Variants in SRP54 observed in about 807,000 individuals in gnomAD.
SRP54 encodes the protein signal recognition particle 54.
SRP54 carries 10 observed loss-of-function variants against 64.8 expected under a neutral mutation model. That is an observed-to-expected ratio of 0.15 (90% CI 0.10 to 0.26). The LOEUF (loss-of-function observed/expected upper bound fraction) is 0.26, where lower values mean the gene tolerates loss of function less well. SRP54 is among the 10% of genes least tolerant of loss of function. The probability of loss-of-function intolerance (pLI) is 1.00; values close to 1 mark genes in which losing one functional copy is unlikely to be tolerated. For synonymous variants in SRP54, 193 were observed against 185.6 expected (o/e 1.04, Z -0.32); for missense variants, 325 against 613.7 (o/e 0.53, Z 4.97).
intron 2 of SRP54, 111 bp downstream of exon 2, chr14:34,996,898 C>G: frequency 2.6e-6 from 2 of 762,356 alleles, no homozygotes; most frequent in South Asian, 3.7e-5. Flanking sequence ...AGACTTAATA[C>G]TTGTAGATAA....
At chr14:35,024,588 C>T (rs930391999) in intron 14 of SRP54, among the ~76,000 whole-genome samples, 5 of 151,206 alleles carry the variant, frequency 3.3e-5, no homozygotes, top group African/African-American at 9.7e-5. Flanking sequence ...AGTAGTTGCC[C>T]TTTTTAATGT....
rs2044664737 is a variant in SRP54, at chr14:35,028,137, C to T, written c.1377C>T (p.Asn459=). The change falls in exon 15 of 16, where the codon AAC becomes AAT. Residue 459 remains asparagine, a synonymous_variant. Coordinates refer to ENST00000216774, the MANE Select transcript of SRP54 (RefSeq NM_003136.4). ...NVSQSQMAKL[N]QQMAKMMDPR... is the part of the protein sequence containing the mutation. Reference sequence around the variant, plus strand: ...GCCAGTCACAGATGGCAAAATTGAACCAACAAATGGCCAAAATGATGGATC... The same window carrying T: ...GCCAGTCACAGATGGCAAAATTGAATCAACAAATGGCCAAAATGATGGATC... 1 of 1,613,134 alleles carries T rather than the reference C, an allele frequency of 6.2e-7. No homozygotes were observed. The highest frequency in any genetic ancestry group is 8.5e-7 in the Non-Finnish European group (1 of 1,179,620).
chr14:34,996,808 A>AATATACAATC, intron 2 of SRP54, 21 bp downstream of exon 2: 4 of 1,506,204 alleles, frequency 2.7e-6, no homozygotes, highest in Non-Finnish European at 2.8e-6. Flanking sequence ...TATTGTATGA[A>AATATACAATC]ATATATATGA....
At chr14:34,988,429 G>A (rs1201029274) in intron 1 of SRP54, among the ~76,000 whole-genome samples, 1 of 150,206 alleles carries the variant, frequency 6.7e-6, no homozygotes, top group Non-Finnish European at 1.5e-5. Context: ...GGGTGTGGTG[G>A]CATGCGCCTG....
At chr14:34,988,582 T>TATATATAAC (rs1555352773) in intron 1 of SRP54, among the ~76,000 whole-genome samples, 24 of 35,076 alleles carry the variant, frequency 6.8e-4, no homozygotes, top group African/African-American at 1.7e-3. Flanking sequence ...AAAAAAAATA[T>TATATATAAC]ATATATATAT....
At chr14:35,020,197 T>G (rs1410772156) in intron 13 of SRP54, among the ~76,000 whole-genome samples, 5 of 149,890 alleles carry the variant, frequency 3.3e-5, no homozygotes, top group Admixed American at 2.0e-4. Flanking sequence ...AAGAAAAAAA[T>G]AAAAAAATAT....
At chr14:35,017,868 C>T (rs1198620676) in intron 11 of SRP54, among the ~76,000 whole-genome samples, 1 of 152,094 alleles carries the variant, frequency 6.6e-6, no homozygotes, top group Non-Finnish European at 1.5e-5. Flanking sequence ...ACACTGTAAT[C>T]CTAGTGCTTT....
At chr14:35,025,668 T>G (rs770105214) in intron 14 of SRP54, among the ~76,000 whole-genome samples, 14 of 152,222 alleles carry the variant, frequency 9.2e-5, no homozygotes, top group Non-Finnish European at 1.5e-4. Context: ...AAACAAACTC[T>G]TAGGACAAAT....
intron 1 of SRP54, among the ~76,000 whole-genome samples, chr14:34,993,623 TC>T (rs2138968988): frequency 6.6e-6 from 1 of 152,310 alleles, no homozygotes; most frequent in African/African-American, 2.4e-5. Flanking sequence ...ATGATTCCTC[TC>T]ACCTCTTTAC....
At chr14:35,007,833 T>A (rs1037762875) in intron 5 of SRP54, among the ~76,000 whole-genome samples, 34 of 150,420 alleles carry the variant, frequency 2.3e-4, no homozygotes, top group African/African-American at 7.8e-4. Flanking sequence ...ATAATATTGT[T>A]GCTTTATAAT....
chr14:35,027,718 T>C (rs1307788526), intron 14 of SRP54: 1 of 153,534 alleles, frequency 6.5e-6, no homozygotes, highest in African/African-American at 2.4e-5. Context: ...ATCACGCCAC[T>C]GCACTCTAGC....
At chr14:35,019,174 C>A in intron 13 of SRP54, 100 bp downstream of exon 13, 1 of 774,130 alleles carries the variant, frequency 1.3e-6, no homozygotes, top group Non-Finnish European at 2.1e-6. Flanking sequence ...AGAAATTTAG[C>A]CTGAAAGATT....
chr14:35,005,237 A>T (rs8020050), intron 4 of SRP54, among the ~76,000 whole-genome samples: 55,993 of 151,972 alleles, frequency 0.37, 10,940 homozygotes, highest in East Asian at 0.69. Flanking sequence ...GGAGGCTGAG[A>T]TGGTAGGATC....
intron 4 of SRP54, among the ~76,000 whole-genome samples, chr14:35,001,903 T>G (rs1594989845): frequency 6.6e-6 from 1 of 152,016 alleles, no homozygotes; most frequent in African/African-American, 2.4e-5. Context: ...AAGGAGCTGT[T>G]AAAAAAATTA....
At chr14:35,001,061 T>C in intron 4 of SRP54, 41 bp downstream of exon 4, 2 of 1,090,838 alleles carry the variant, frequency 1.8e-6, no homozygotes, top group South Asian at 1.6e-5. Context: ...CTATACTCAG[T>C]GGATAAAAAA....
At chr14:34,994,877 C>T (rs928088308) in intron 1 of SRP54, among the ~76,000 whole-genome samples, 2 of 151,482 alleles carry the variant, frequency 1.3e-5, no homozygotes, top group African/African-American at 4.9e-5. Context: ...AAGCAATCCT[C>T]CCCTCACCCT....
intron 7 of SRP54, among the ~76,000 whole-genome samples, chr14:35,009,920 C>T (rs1043825078): frequency 2.6e-5 from 4 of 151,936 alleles, no homozygotes; most frequent in Admixed American, 1.3e-4. Flanking sequence ...GAGGCTGAGG[C>T]GGGCGGATTA....
chr14:34,997,561 A>C (rs190085432), intron 2 of SRP54, among the ~76,000 whole-genome samples: 1 of 152,288 alleles, frequency 6.6e-6, no homozygotes, highest in East Asian at 1.9e-4. Context: ...GAAAAATAGC[A>C]TTTACCATAG....
intron 1 of SRP54, among the ~76,000 whole-genome samples, chr14:34,992,798 TA>T (rs1176687087): frequency 1.3e-5 from 2 of 152,022 alleles, no homozygotes; most frequent in Admixed American, 6.6e-5. Context: ...ATAAATTAAT[TA>T]AAAAAATTAA....
Sources: allele counts gnomAD v4.1 joint callset (sites outside exome capture counted in the v4.1 genomes callset), GRCh38; gene constraint gnomAD v4.1.1; transcripts MANE v1.5; gene names NCBI Gene and HGNC (gene_info 2026-07-23, HGNC 2026-07-21).